CAMK2A: variants seen among roughly 807,000 people sequenced by gnomAD.
The protein encoded by CAMK2A is calcium/calmodulin-dependent protein kinase type II subunit alpha.
A neutral mutation model predicts 79.2 loss-of-function variants in CAMK2A; 7 were observed. The observed-to-expected ratio is 0.09, with a 90% CI of 0.05 to 0.17. The LOEUF (loss-of-function observed/expected upper bound fraction) is 0.17. Among genes scored for constraint, CAMK2A ranks in the 10% least tolerant of loss-of-function variants. The probability of loss-of-function intolerance (pLI) is 1.00; values close to 1 mark genes in which losing one functional copy is unlikely to be tolerated. For missense variants in CAMK2A, 214 were observed against 646.4 expected (o/e 0.33, Z 7.25); for synonymous variants, 242 against 251.7 (o/e 0.96, Z 0.36).
chr5:150,235,490 C>T (rs1036954780), intron 15 of CAMK2A, among the ~76,000 whole-genome samples: 6 of 152,244 alleles, frequency 3.9e-5, no homozygotes, highest in African/African-American at 1.2e-4. Flanking sequence ...CAAGATCATA[C>T]AGCATGCTAA....
intron 1 of CAMK2A, among the ~76,000 whole-genome samples, chr5:150,277,571 T>A (rs1204015047): frequency 6.6e-6 from 1 of 152,244 alleles, no homozygotes; most frequent in Admixed American, 6.5e-5. Flanking sequence ...TTGTGTAAAT[T>A]AGAGGCTCCT....
At chr5:150,233,339 C>T (rs1754924374) in intron 15 of CAMK2A, among the ~76,000 whole-genome samples, 2 of 152,186 alleles carry the variant, frequency 1.3e-5, no homozygotes, top group African/African-American at 4.8e-5. Flanking sequence ...ATCACATTCT[C>T]CCACACTACA....
chr5:150,290,006 A>G, upstream of CAMK2A: 1 of 199,050 alleles, frequency 5.0e-6, no homozygotes, highest in Non-Finnish European at 1.0e-5. Context: ...GGGGTGATGG[A>G]CCCAAGGAGG....
intron 1 of CAMK2A, among the ~76,000 whole-genome samples, chr5:150,286,155 C>A (rs1230110075): frequency 6.6e-6 from 1 of 152,200 alleles, no homozygotes. Context: ...TTTCTCTCAT[C>A]CTCAGGAGAG....
chr5:150,261,776 G>C (rs1341444623), intron 3 of CAMK2A, among the ~76,000 whole-genome samples: 1 of 152,136 alleles, frequency 6.6e-6, no homozygotes, highest in African/African-American at 2.4e-5. Context: ...TGTAGCTATG[G>C]GCAAATGACT....
chr5:150,253,172 G>C (rs1273344376), intron 7 of CAMK2A, among the ~76,000 whole-genome samples: 1 of 152,234 alleles, frequency 6.6e-6, no homozygotes, highest in African/African-American at 2.4e-5. Context: ...TTGGGGAGGA[G>C]AGATGGCGGA....
At chr5:150,259,454 G>A (rs891936) in intron 3 of CAMK2A, among the ~76,000 whole-genome samples, 4,303 of 152,118 alleles carry the variant, frequency 0.028, 200 homozygotes, top group African/African-American at 0.095. Flanking sequence ...CCCAGGGGGC[G>A]GAGGGTGCAG....
chr5:150,229,742 A>C (rs1194604644), intron 16 of CAMK2A, among the ~76,000 whole-genome samples: 1 of 152,224 alleles, frequency 6.6e-6, no homozygotes, highest in African/African-American at 2.4e-5. Context: ...ATACATTCCA[A>C]GTCCATTCTT....
At chr5:150,239,594 C>T in intron 14 of CAMK2A, 110 bp downstream of exon 14, 2 of 974,916 alleles carry the variant, frequency 2.1e-6, no homozygotes, top group Non-Finnish European at 3.3e-6. Flanking sequence ...CAAGCACGCC[C>T]TGAGCACCCT....
chr5:150,289,478 C>G, intron 1 of CAMK2A, 86 bp downstream of exon 1: 1 of 1,027,730 alleles, frequency 9.7e-7, no homozygotes. Context: ...GAATGCTCCC[C>G]AAGCACTGCA....
chr5:150,259,599 G>T (rs957689522), intron 3 of CAMK2A, among the ~76,000 whole-genome samples: 4 of 152,164 alleles, frequency 2.6e-5, no homozygotes, highest in East Asian at 1.9e-4. Flanking sequence ...ATAACTAAAA[G>T]ATGTTTTAAA....
chr5:150,288,448 C>T (rs1757523422), intron 1 of CAMK2A, among the ~76,000 whole-genome samples: 1 of 152,158 alleles, frequency 6.6e-6, no homozygotes, highest in Non-Finnish European at 1.5e-5. Context: ...TGCATGAATG[C>T]TTGCACACCC....
chr5:150,229,069 C>G (rs755220524), intron 16 of CAMK2A, among the ~76,000 whole-genome samples: 11 of 152,138 alleles, frequency 7.2e-5, no homozygotes, highest in Non-Finnish European at 1.6e-4. Flanking sequence ...GTGACAATAG[C>G]AATGAAGCCA....
chr5:150,245,602 C>T (rs1331644892), intron 12 of CAMK2A, among the ~76,000 whole-genome samples: 1 of 152,200 alleles, frequency 6.6e-6, no homozygotes, highest in African/African-American at 2.4e-5. Context: ...CCCACCCTGG[C>T]CCTCTCTAAT....
chr5:150,231,251 AC>A (rs1216829010), intron 16 of CAMK2A, 53 bp downstream of exon 16: 1 of 1,024,276 alleles, frequency 9.8e-7, no homozygotes, highest in Non-Finnish European at 1.5e-6. Flanking sequence ...AGCCATTGGT[AC>A]CCCCTGAACA....
At chr5:150,247,212 G>C (rs1049861557) in intron 12 of CAMK2A, among the ~76,000 whole-genome samples, 5 of 152,250 alleles carry the variant, frequency 3.3e-5, no homozygotes, top group Non-Finnish European at 7.3e-5. Flanking sequence ...CACTTGCCCT[G>C]GGTTTGGTCA....
chr5:150,278,263 C>T (rs1280842298), intron 1 of CAMK2A, among the ~76,000 whole-genome samples: 1 of 151,972 alleles, frequency 6.6e-6, no homozygotes, highest in African/African-American at 2.4e-5. Flanking sequence ...CTAGGCAGCC[C>T]CAGGCTCCAT....
chr5:150,235,051 C>T (rs925530589), intron 15 of CAMK2A, among the ~76,000 whole-genome samples: 1 of 152,158 alleles, frequency 6.6e-6, no homozygotes, highest in Admixed American at 6.5e-5. Flanking sequence ...TCTCTGAGTA[C>T]GTGCACACAA....
chr5:150,221,796 C>T lies in CAMK2A; in HGVS notation c.*914G>A. On this transcript the variant is annotated 3_prime_UTR_variant, in exon 19 of 19. Coordinates refer to ENST00000671881, the MANE Select transcript of CAMK2A (RefSeq NM_015981.4). Reference sequence around the variant, plus strand: ...AACAGAAAAAAACTACCCCTCACCCCTCTTCCTACACCCCTTCCAACCTGA... The same window carrying T: ...AACAGAAAAAAACTACCCCTCACCCTTCTTCCTACACCCCTTCCAACCTGA... The T allele has an allele frequency of 5.1e-6, 2 of 394,594 alleles. No homozygotes were observed. Among genetic ancestry groups the T allele is most frequent in the East Asian group, 7.1e-5 (2 of 27,982 alleles). 24.4% of individuals were successfully genotyped at this position (394,594 alleles called of 1,614,324 possible).
Sources: gnomAD v4.1 joint callset for allele counts (sites outside exome capture counted in the v4.1 genomes callset) on GRCh38, gnomAD v4.1.1 for gene constraint, MANE v1.5 for transcripts, NCBI Gene and HGNC (gene_info 2026-07-23, HGNC 2026-07-21) for gene names.